The following SPRY3 variants were observed in gnomAD, a reference collection of about 807,000 sequenced individuals.
SPRY3 encodes the protein sprouty RTK signaling antagonist 3.
Under a neutral mutation model 20.2 loss-of-function variants are expected in SPRY3, and 15 were observed. That is an observed-to-expected ratio of 0.74 (90% confidence interval 0.50 to 1.14). The LOEUF (loss-of-function observed/expected upper bound fraction) is 1.14, where lower values mean the gene tolerates loss of function less well. Among genes scored for constraint, SPRY3 ranks in the 50% most tolerant of loss-of-function variants. The probability of loss-of-function intolerance (pLI) is 0.00; values close to 1 mark genes in which losing one functional copy is unlikely to be tolerated. For missense variants in SPRY3, 364 were observed against 363.9 expected (o/e 1.00, Z 0.00); for synonymous variants, 143 against 136.5 (o/e 1.05, Z -0.33).
intron 2 of SPRY3, among the ~76,000 whole-genome samples, chrX:155,756,477 G>A (rs2091283799): frequency 6.6e-6 from 1 of 152,090 alleles, no homozygotes; most frequent in African/African-American, 2.4e-5. Flanking sequence ...TCAGAAGTAT[G>A]ACAGGCCATA....
intron 2 of SPRY3, among the ~76,000 whole-genome samples, chrX:155,760,989 C>A (rs2091302000): frequency 6.6e-6 from 1 of 152,078 alleles, no homozygotes; most frequent in Non-Finnish European, 1.5e-5. Flanking sequence ...TTTTAAACTT[C>A]CTTCTTCATT....
chrX:155,770,822 C>A (rs1014119051), intron 3 of SPRY3, among the ~76,000 whole-genome samples: 1 of 152,140 alleles, frequency 6.6e-6, no homozygotes, highest in African/African-American at 2.4e-5. Context: ...CCTTTCTCAA[C>A]ATATTTTTCC....
At chrX:155,648,323 G>T (rs1026209276) in intron 1 of SPRY3, among the ~76,000 whole-genome samples, 13 of 112,558 alleles carry the variant, frequency 1.2e-4, no homozygotes, top group African/African-American at 3.5e-4. Flanking sequence ...ATTTGTCAAT[G>T]TTGGCTTTTG....
At chrX:155,734,189 A>G (rs1008373351) in intron 2 of SPRY3, among the ~76,000 whole-genome samples, 1 of 152,038 alleles carries the variant, frequency 6.6e-6, no homozygotes. Context: ...ACTAAGCTTT[A>G]TCATTTCTAG....
In SPRY3 at chrX:155,615,035, C is replaced by CT. The variant is rs1325669135; in HGVS notation, c.-441+2399dup. ...GCTAACATTCCGGACCAGAGTTTGGCTTTTTTTTTTTATCTGTGAAGGGTC... is the reference window on the plus strand; with the variant it reads ...GCTAACATTCCGGACCAGAGTTTGGCTTTTTTTTTTTTATCTGTGAAGGGTC... On this transcript the variant is annotated intron_variant, in intron 1 of 3. Transcript: ENST00000675360. Among the ~76,000 whole-genome samples, 851 of 104,845 alleles carry CT rather than the reference C, an allele frequency of 8.1e-3. 7 individuals are homozygous for CT. Among genetic ancestry groups the CT allele is most frequent in the African/African-American group, 0.026 (763 of 29,013 alleles). The allele number at this position is 104,845 out of a possible 115,157, so 91.0% of individuals were successfully genotyped here.
intron 1 of SPRY3, among the ~76,000 whole-genome samples, chrX:155,615,114 A>G (rs2067847171): frequency 8.9e-6 from 1 of 111,927 alleles, no homozygotes; most frequent in African/African-American, 3.2e-5. Flanking sequence ...GTCTCCAGGT[A>G]TTAAATTCTG....
At chrX:155,761,463 C>G (rs1185515904) in intron 2 of SPRY3, among the ~76,000 whole-genome samples, 1 of 152,058 alleles carries the variant, frequency 6.6e-6, no homozygotes. Context: ...TGATGGGCAC[C>G]TAGGTTGATT....
In SPRY3 at chrX:155,716,981, AATATATATATATATAT is replaced by A. The variant is rs749530944; in HGVS notation, c.-281-50965_-281-50950del. On this transcript the variant is annotated intron_variant, in intron 2 of 3. Transcript: ENST00000675360. ...AAACCCTGTTTCCACTAAAATACAA[AATATATATATATATAT>A]ATATATATATATATAGCTGGGCGTG... Among the ~76,000 whole-genome samples, 118 of 63,480 alleles carry A rather than the reference AATATATATATATATAT, an allele frequency of 1.9e-3. 1 individual carries two copies. Among genetic ancestry groups the A allele is most frequent in the Admixed American group, 2.5e-3 (14 of 5,680 alleles). The allele number at this position is 63,480 out of a possible 152,430, so 41.6% of individuals were successfully genotyped here.
intron 2 of SPRY3, among the ~76,000 whole-genome samples, chrX:155,686,529 ATAGT>A (rs1046492041): frequency 2.7e-5 from 3 of 111,805 alleles, no homozygotes; most frequent in Admixed American, 9.5e-5. Flanking sequence ...CTTTAGTATA[ATAGT>A]TAGTATCAAA....
At chrX:155,752,537 A>T (rs2091268542) in intron 2 of SPRY3, among the ~76,000 whole-genome samples, 1 of 151,656 alleles carries the variant, frequency 6.6e-6, no homozygotes, top group African/African-American at 2.4e-5. Flanking sequence ...ATAACTATTG[A>T]TATTTAAATG....
intron 1 of SPRY3, among the ~76,000 whole-genome samples, chrX:155,617,280 G>C (rs1179457560): frequency 2.7e-5 from 3 of 110,082 alleles, no homozygotes; most frequent in Non-Finnish European, 5.7e-5. Context: ...GTTCTTAGTT[G>C]CATGCAACAG....
intron 2 of SPRY3, among the ~76,000 whole-genome samples, chrX:155,713,038 T>C (rs941228715): frequency 1.3e-5 from 2 of 152,036 alleles, no homozygotes; most frequent in African/African-American, 2.4e-5. Flanking sequence ...TACTGTACTG[T>C]CTGTGTCTTG....
At chrX:155,664,313 T>C (rs2068018441) in intron 2 of SPRY3, among the ~76,000 whole-genome samples, 1 of 110,167 alleles carries the variant, frequency 9.1e-6, no homozygotes, top group Admixed American at 9.7e-5. Context: ...TTAATCAAGA[T>C]ATCAACAATA....
chrX:155,633,352 A>AACAAGGTG (rs1444092863), intron 1 of SPRY3, among the ~76,000 whole-genome samples: 2 of 99,244 alleles, frequency 2.0e-5, no homozygotes, highest in South Asian at 5.3e-4. Flanking sequence ...CATCCTGGCT[A>AACAAGGTG]ACAAGGTGAA....
At chrX:155,666,605 G>A (rs2068025303) in intron 2 of SPRY3, among the ~76,000 whole-genome samples, 1 of 111,651 alleles carries the variant, frequency 9.0e-6, no homozygotes, top group Admixed American at 9.5e-5. Flanking sequence ...CCAGGTTTCC[G>A]ACTTGAGAGT....
chrX:155,763,715 A>G (rs2091313406), intron 2 of SPRY3, among the ~76,000 whole-genome samples: 2 of 152,132 alleles, frequency 1.3e-5, no homozygotes, highest in Non-Finnish European at 2.9e-5. Context: ...CATGTGAATT[A>G]TATATGGTTA....
At chrX:155,714,769 C>G (rs1322450783) in intron 2 of SPRY3, among the ~76,000 whole-genome samples, 5 of 152,066 alleles carry the variant, frequency 3.3e-5, no homozygotes. Context: ...TCTACTGTGG[C>G]TAAGATGGCA....
At chrX:155,673,287 G>A (rs2068049541) in intron 2 of SPRY3, among the ~76,000 whole-genome samples, 1 of 109,751 alleles carries the variant, frequency 9.1e-6, no homozygotes, top group Non-Finnish European at 1.9e-5. Context: ...TGCCTTTAAA[G>A]TCTTCATGTC....
chrX:155,729,745 G>C (rs1281576752), intron 2 of SPRY3, among the ~76,000 whole-genome samples: 1 of 149,708 alleles, frequency 6.7e-6, no homozygotes, highest in Non-Finnish European at 1.5e-5. Context: ...GAAAATAATA[G>C]AAAATACCAA....
Sources: gnomAD v4.1 joint callset for allele counts (sites outside exome capture counted in the v4.1 genomes callset) on GRCh38, gnomAD v4.1.1 for gene constraint, MANE v1.5 for transcripts, NCBI Gene and HGNC (gene_info 2026-07-23, HGNC 2026-07-21) for gene names.